Variants in NELL1 observed in about 807,000 individuals in gnomAD.
NELL1 encodes protein kinase C-binding protein NELL1.
NELL1 carries 76 observed loss-of-function variants against 107.4 expected under a neutral mutation model. The observed-to-expected ratio is 0.71, with a 90% CI of 0.59 to 0.86. NELL1 has a LOEUF of 0.86. NELL1 is among the 40% of genes least tolerant of loss of function. The pLI is 0.00. For missense variants in NELL1, 1,024 were observed against 1,005.5 expected, an observed-to-expected ratio of 1.02 and a Z score of -0.25; for synonymous variants, 353 against 341.2, an observed-to-expected ratio of 1.03 and a Z score of -0.38.
chr11:21,059,678 G>A lies in NELL1; in HGVS notation c.1301-53911G>A, dbSNP rs572652484. ...AATTCCCCTACTCTGTAGGACAGTA[G>A]TCATCTCTTCTATGCCCTATAGGAC... On this transcript the variant is annotated intron_variant, in intron 12 of 19. Transcript: ENST00000357134. Among the ~76,000 whole-genome samples the A allele has an allele frequency of 3.9e-5, 6 of 152,224 alleles. No individual in the cohort carries two copies. In the South Asian group the frequency reaches 1.2e-3, roughly 32 times the overall value.
intron 4 of NELL1, among the ~76,000 whole-genome samples, chr11:20,870,183 G>T (rs919253527): frequency 2.6e-5 from 4 of 152,134 alleles, no homozygotes; most frequent in African/African-American, 9.7e-5. Flanking sequence ...AAATAATCCA[G>T]GAAAAGGAAA....
At chr11:21,174,056 G>A (rs1260681493) in intron 13 of NELL1, among the ~76,000 whole-genome samples, 1 of 151,758 alleles carries the variant, frequency 6.6e-6, no homozygotes, top group Non-Finnish European at 1.5e-5. Context: ...GAAACTGAAG[G>A]TTTGAGAGGT....
At chr11:20,715,071 G>A (rs11825263) in intron 2 of NELL1, among the ~76,000 whole-genome samples, 5,529 of 151,854 alleles carry the variant, frequency 0.036, 285 homozygotes, top group African/African-American at 0.12. Context: ...GTGAAACCCC[G>A]TCTCTACTAA....
At chr11:21,515,743 A>G (rs914659040) in intron 15 of NELL1, among the ~76,000 whole-genome samples, 4 of 152,194 alleles carry the variant, frequency 2.6e-5, no homozygotes, top group African/African-American at 9.7e-5. Flanking sequence ...AGCATTTCAC[A>G]TCAAAAAGAC....
chr11:20,866,257 A>G (rs1416243283), intron 4 of NELL1, among the ~76,000 whole-genome samples: 4 of 152,204 alleles, frequency 2.6e-5, no homozygotes, highest in African/African-American at 7.2e-5. Context: ...AGCACAGCCA[A>G]TGAGAAGCAC....
intron 16 of NELL1, among the ~76,000 whole-genome samples, chr11:21,556,356 A>C (rs944714027): frequency 1.3e-5 from 2 of 152,042 alleles, no homozygotes; most frequent in Admixed American, 6.6e-5. Context: ...GTAATGAAAA[A>C]GTTCACTGCT....
chr11:20,786,702 TGAAA>T (rs1246947178), intron 3 of NELL1, among the ~76,000 whole-genome samples: 4 of 151,268 alleles, frequency 2.6e-5, no homozygotes, highest in African/African-American at 9.7e-5. Context: ...AAAGCAGGAG[TGAAA>T]GTTTATTAAA....
intron 11 of NELL1, among the ~76,000 whole-genome samples, chr11:20,956,604 C>G (rs1290220517): frequency 2.6e-5 from 4 of 151,104 alleles, no homozygotes; most frequent in African/African-American, 9.8e-5. Context: ...TGAGATCACG[C>G]CACTGCACTC....
At chr11:21,470,211 A>T (rs1590957013) in intron 15 of NELL1, among the ~76,000 whole-genome samples, 1 of 152,044 alleles carries the variant, frequency 6.6e-6, no homozygotes, top group African/African-American at 2.4e-5. Flanking sequence ...TAATCATGCT[A>T]AGAGCTCAAA....
At chr11:20,948,765 T>TA (rs35915453) in intron 11 of NELL1, among the ~76,000 whole-genome samples, 7,999 of 107,204 alleles carry the variant, frequency 0.075, 306 homozygotes, top group Admixed American at 0.13. Context: ...TTCAAAATCT[T>TA]AAAAAAAAAA....
At chr11:20,812,320 A>G (rs1292463521) in intron 3 of NELL1, among the ~76,000 whole-genome samples, 1 of 152,004 alleles carries the variant, frequency 6.6e-6, no homozygotes, top group Non-Finnish European at 1.5e-5. Flanking sequence ...TTTTTGATGT[A>G]CTGTTGCACT....
intron 2 of NELL1, among the ~76,000 whole-genome samples, chr11:20,757,097 T>G (rs1856313061): frequency 6.6e-6 from 1 of 152,096 alleles, no homozygotes; most frequent in Non-Finnish European, 1.5e-5. Flanking sequence ...CCAACTTTTT[T>G]TCTCTGTAAC....
intron 15 of NELL1, among the ~76,000 whole-genome samples, chr11:21,531,656 T>C (rs1174659946): frequency 6.6e-6 from 1 of 152,190 alleles, no homozygotes; most frequent in Non-Finnish European, 1.5e-5. Flanking sequence ...TTTGGGATGG[T>C]TGACACATTG....
intron 7 of NELL1, among the ~76,000 whole-genome samples, chr11:20,925,438 CTTTTT>C (rs869078958): frequency 4.1e-5 from 5 of 122,252 alleles, no homozygotes; most frequent in African/African-American, 3.1e-5. Context: ...CCACACCCGG[CTTTTT>C]TTTTTTTTTT....
chr11:20,685,307 A>C (rs777529868), intron 2 of NELL1, among the ~76,000 whole-genome samples: 1 of 152,052 alleles, frequency 6.6e-6, no homozygotes, highest in Non-Finnish European at 1.5e-5. Flanking sequence ...ATTCACTATA[A>C]ATCTAAATTA....
chr11:21,253,486 A>G (rs1858690034), intron 14 of NELL1, among the ~76,000 whole-genome samples: 1 of 152,152 alleles, frequency 6.6e-6, no homozygotes, highest in Non-Finnish European at 1.5e-5. Context: ...GGGATTAAAG[A>G]AGGGAAGTAA....
intron 12 of NELL1, among the ~76,000 whole-genome samples, chr11:21,037,087 C>A (rs1853110285): frequency 6.6e-6 from 1 of 151,742 alleles, no homozygotes; most frequent in South Asian, 2.1e-4. Flanking sequence ...CCTGCAAGTA[C>A]CAGTACTGTT....
chr11:21,556,725 C>G (rs1856719850), intron 16 of NELL1, among the ~76,000 whole-genome samples: 1 of 151,768 alleles, frequency 6.6e-6, no homozygotes. Context: ...AAAATTAGTT[C>G]TAATGCAAGC....
chr11:21,183,999 T>C (rs140590286), intron 13 of NELL1, among the ~76,000 whole-genome samples: 18 of 151,852 alleles, frequency 1.2e-4, no homozygotes, highest in African/African-American at 4.1e-4. Context: ...TGGCCCATAG[T>C]ATGTTTTCTA....
Sources: gnomAD v4.1 joint callset for allele counts (sites outside exome capture counted in the v4.1 genomes callset) on GRCh38, gnomAD v4.1.1 for gene constraint, MANE v1.5 for transcripts, NCBI Gene and HGNC (gene_info 2026-07-23, HGNC 2026-07-21) for gene names.